CNTN5: variants seen among roughly 807,000 people sequenced by gnomAD.
The protein encoded by CNTN5 is contactin 5, also known as contactin-5.
CNTN5 carries 77 observed loss-of-function variants against 129.1 expected under a neutral mutation model. That is an observed-to-expected ratio of 0.60 (90% CI 0.50 to 0.72). The LOEUF (loss-of-function observed/expected upper bound fraction) is 0.72. Ranked by LOEUF, CNTN5 falls within the 30% of genes least tolerant of loss-of-function variation. The pLI is 0.00. For missense variants in CNTN5, 1,478 were observed against 1,328.8 expected, an observed-to-expected ratio of 1.11 and a Z score of -1.75; for synonymous variants, 509 against 465.6, an observed-to-expected ratio of 1.09 and a Z score of -1.20.
intron 3 of CNTN5, among the ~76,000 whole-genome samples, chr11:99,672,279 A>C (rs1953078449): frequency 6.6e-6 from 1 of 152,146 alleles, no homozygotes; most frequent in African/African-American, 2.4e-5. Context: ...TAGGGAAGAA[A>C]GGAAGCAGAA....
chr11:99,080,845 A>T (rs911839642), intron 1 of CNTN5, among the ~76,000 whole-genome samples: 1 of 152,170 alleles, frequency 6.6e-6, no homozygotes, highest in Non-Finnish European at 1.5e-5. Context: ...TGGTCTAGAA[A>T]ATAAGGCATT....
chr11:100,040,480 C>T lies in CNTN5; in HGVS notation c.981-20732C>T, dbSNP rs12284453. Among the ~76,000 whole-genome samples the T allele has an allele frequency of 1.8e-3, 271 of 152,320 alleles. 1 individual carries two copies. Among genetic ancestry groups the T allele is most frequent in the African/African-American group, 6.4e-3 (264 of 41,570 alleles). On this transcript the variant is annotated intron_variant, in intron 9 of 24. Coordinates refer to ENST00000524871, the MANE Select transcript of CNTN5 (RefSeq NM_014361.4). ...CTCAAGCTGCGTGCTGGGAGAAGCA[C>T]TGCTCTCTTCAAAGCTGTCAGAGAA...
At chr11:99,112,207 A>G (rs1037325364) in intron 1 of CNTN5, among the ~76,000 whole-genome samples, 1 of 152,042 alleles carries the variant, frequency 6.6e-6, no homozygotes, top group African/African-American at 2.4e-5. Flanking sequence ...TATTTGGGTC[A>G]TTGCAGTTTA....
At chr11:99,897,505 T>TA (rs371917808) in intron 6 of CNTN5, among the ~76,000 whole-genome samples, 7,381 of 149,652 alleles carry the variant, frequency 0.049, 286 homozygotes, top group Middle Eastern at 0.11. Context: ...TAGCCTCCTT[T>TA]AAAAAAAAAA....
At chr11:99,902,017 G>A (rs1565657172) in intron 6 of CNTN5, among the ~76,000 whole-genome samples, 2 of 152,162 alleles carry the variant, frequency 1.3e-5, no homozygotes, top group Non-Finnish European at 2.9e-5. Context: ...AAGTGGAAGA[G>A]ATGTAATTCA....
At chr11:100,125,488 CAT>C (rs761710002) in intron 13 of CNTN5, among the ~76,000 whole-genome samples, 4 of 152,030 alleles carry the variant, frequency 2.6e-5, no homozygotes, top group Non-Finnish European at 4.4e-5. Context: ...CCACAAAGCA[CAT>C]GATTTCATTC....
chr11:99,914,991 G>T (rs1016475730), intron 6 of CNTN5, among the ~76,000 whole-genome samples: 1 of 151,826 alleles, frequency 6.6e-6, no homozygotes, highest in African/African-American at 2.4e-5. Context: ...GCTCTACCTT[G>T]TATTGCTACA....
In CNTN5 at chr11:99,894,524, A is replaced by AC. The variant is rs1344869292; in HGVS notation, c.578-21530_578-21529insC. On this transcript the variant is annotated intron_variant, in intron 6 of 24. Coordinates refer to ENST00000524871, the MANE Select transcript of CNTN5 (RefSeq NM_014361.4). ...TGACAGGTACCAGCAGCAAAAAAAAAAAAAACCAAAAAACAAAAAACAAAA... is the reference window on the plus strand; with the variant it reads ...TGACAGGTACCAGCAGCAAAAAAAAACAAAAACCAAAAAACAAAAAACAAAA... 1.1e-4 allele frequency among the ~76,000 whole-genome samples: 16 copies of AC among 150,290 alleles called. 1 individual carries two copies. Among genetic ancestry groups the AC allele is most frequent in the Admixed American group, 4.0e-4 (6 of 15,082 alleles).
intron 13 of CNTN5, among the ~76,000 whole-genome samples, chr11:100,095,625 GC>G (rs1238161652): frequency 6.6e-6 from 1 of 152,078 alleles, no homozygotes; most frequent in Admixed American, 6.6e-5. Flanking sequence ...ATATCCTAGA[GC>G]AAGATGTTGT....
chr11:99,804,623 G>A (rs1180349220), intron 3 of CNTN5, among the ~76,000 whole-genome samples: 1 of 150,196 alleles, frequency 6.7e-6, no homozygotes, highest in Non-Finnish European at 1.5e-5. Context: ...TTACATCTTT[G>A]CAAAGTAAAA....
At chr11:99,488,649 T>C (rs1565225343) in intron 2 of CNTN5, among the ~76,000 whole-genome samples, 1 of 152,236 alleles carries the variant, frequency 6.6e-6, no homozygotes, top group Non-Finnish European at 1.5e-5. Context: ...GAACTAGTTA[T>C]AGTGTACCAA....
chr11:100,086,899 T>A (rs1208043123), intron 13 of CNTN5, among the ~76,000 whole-genome samples: 2 of 151,576 alleles, frequency 1.3e-5, no homozygotes, highest in African/African-American at 4.8e-5. Flanking sequence ...AATTTATCGC[T>A]CTATGTATTT....
chr11:99,277,546 G>GT (rs1028034218), intron 1 of CNTN5, among the ~76,000 whole-genome samples: 2 of 151,520 alleles, frequency 1.3e-5, no homozygotes, highest in Non-Finnish European at 3.0e-5. Flanking sequence ...TGACAACATT[G>GT]TTTTTTTCTG....
intron 3 of CNTN5, among the ~76,000 whole-genome samples, chr11:99,621,977 T>A (rs1020305258): frequency 1.3e-5 from 2 of 152,184 alleles, no homozygotes; most frequent in African/African-American, 4.8e-5. Flanking sequence ...TTCTCTAACA[T>A]CATGGATAAA....
chr11:99,129,540 A>C (rs10892796), intron 1 of CNTN5, among the ~76,000 whole-genome samples: 138,432 of 152,228 alleles, frequency 0.91, 63,135 homozygotes, highest in East Asian at 0.99. Flanking sequence ...AAAGACACTT[A>C]AGGATACTAT....
chr11:99,187,436 A>T, intron 1 of CNTN5, among the ~76,000 whole-genome samples: 1 of 140,046 alleles, frequency 7.1e-6, no homozygotes, highest in South Asian at 2.2e-4. Context: ...TGTTATATTA[A>T]TACAAATTAC....
chr11:100,043,416 A>G (rs980528343), intron 9 of CNTN5, among the ~76,000 whole-genome samples: 5 of 152,180 alleles, frequency 3.3e-5, no homozygotes, highest in African/African-American at 4.8e-5. Flanking sequence ...CCAAAGCTCC[A>G]AATAACTTGG....
intron 3 of CNTN5, among the ~76,000 whole-genome samples, chr11:99,706,426 A>G (rs909761114): frequency 2.6e-5 from 4 of 151,596 alleles, no homozygotes; most frequent in Non-Finnish European, 4.4e-5. Flanking sequence ...TTAAAAATTC[A>G]TAGATGGTAG....
At chr11:99,142,991 G>A (rs1027963681) in intron 1 of CNTN5, among the ~76,000 whole-genome samples, 2 of 152,026 alleles carry the variant, frequency 1.3e-5, no homozygotes, top group Admixed American at 6.6e-5. Flanking sequence ...TCCCTTCAGG[G>A]TCTGTGTCCC....
Sources: allele counts gnomAD v4.1 joint callset (sites outside exome capture counted in the v4.1 genomes callset), GRCh38; gene constraint gnomAD v4.1.1; transcripts MANE v1.5; gene names NCBI Gene and HGNC (gene_info 2026-07-23, HGNC 2026-07-21).